The following TNKS variants were observed in gnomAD, a reference collection of about 807,000 sequenced individuals.
TNKS encodes tankyrase, also known as poly [ADP-ribose] polymerase tankyrase-1.
TNKS carries 72 observed loss-of-function variants against 135.8 expected under a neutral mutation model. That is an observed-to-expected ratio of 0.53 (90% CI 0.44 to 0.64). TNKS has a LOEUF of 0.64. Ranked by LOEUF, TNKS falls within the 30% of genes least tolerant of loss-of-function variation. The pLI, the probability that TNKS is intolerant of heterozygous loss-of-function variation, is 0.00. For missense variants in TNKS, 1,769 were observed against 1,674.0 expected (o/e 1.06, Z -0.99); for synonymous variants, 849 against 649.3 (o/e 1.31, Z -4.68).
chr8:9,746,915 C>T (rs899296516), intron 17 of TNKS, among the ~76,000 whole-genome samples: 1 of 118,662 alleles, frequency 8.4e-6, no homozygotes, highest in Admixed American at 1.0e-4. Flanking sequence ...CGGAGCCTTG[C>T]TCTGGTAACC....
At chr8:9,692,726 C>G (rs545904242) in intron 5 of TNKS, among the ~76,000 whole-genome samples, 15 of 152,140 alleles carry the variant, frequency 9.9e-5, no homozygotes, top group African/African-American at 3.6e-4. Flanking sequence ...TTTTTCCTTT[C>G]ATCTCACCTC....
At chr8:9,751,505 C>A in intron 18 of TNKS, 104 bp from the exon 19 acceptor site, 1 of 954,914 alleles carries the variant, frequency 1.0e-6, no homozygotes, top group Non-Finnish European at 1.6e-6. Flanking sequence ...GATAATGAGG[C>A]ATTCATTAAG....
chr8:9,731,460 CAAAAAAAAAAAAAA>C (rs36213271), intron 14 of TNKS, among the ~76,000 whole-genome samples: 1 of 67,508 alleles, frequency 1.5e-5, no homozygotes, highest in Non-Finnish European at 2.8e-5. Flanking sequence ...AATTCCATCT[CAAAAAAAAAAAAAA>C]AAAAAAAAAA....
At chr8:9,604,928 C>A (rs888136160) in intron 2 of TNKS, among the ~76,000 whole-genome samples, 4 of 151,892 alleles carry the variant, frequency 2.6e-5, no homozygotes, top group African/African-American at 9.7e-5. Flanking sequence ...TTTTCCAGTT[C>A]AGCAATTTTC....
At position 9,617,099 on chromosome 8, in the gene TNKS, A is replaced by G. The variant is rs186086779; in HGVS notation, c.994+1422A>G. 4.6e-5 allele frequency among the ~76,000 whole-genome samples: 7 copies of G among 152,364 alleles called. No homozygotes were observed. The East Asian group carries it at 1.2e-3, about 25-fold the overall frequency. On this transcript the variant is annotated intron_variant, in intron 3 of 26. Coordinates refer to ENST00000310430, the MANE Select transcript of TNKS (RefSeq NM_003747.3). ...CCATTTGTTAGATACATTTAATGCAACAACGCTTTTAGATCTACTTTCACT... is the reference window on the plus strand; with the variant it reads ...CCATTTGTTAGATACATTTAATGCAGCAACGCTTTTAGATCTACTTTCACT...
intron 26 of TNKS, among the ~76,000 whole-genome samples, chr8:9,774,914 TG>T (rs1024518995): frequency 1.8e-4 from 27 of 152,100 alleles, no homozygotes; most frequent in African/African-American, 5.8e-4. Context: ...GAAGTAGGGG[TG>T]GGCATCCACT....
At chr8:9,623,356 C>T (rs117949885) in intron 3 of TNKS, among the ~76,000 whole-genome samples, 1 of 151,800 alleles carries the variant, frequency 6.6e-6, no homozygotes, top group Non-Finnish European at 1.5e-5. Flanking sequence ...AACCTGTGTA[C>T]AGGCATACCT....
At chr8:9,593,105 G>C (rs1035952169) in intron 2 of TNKS, among the ~76,000 whole-genome samples, 3 of 152,198 alleles carry the variant, frequency 2.0e-5, no homozygotes, top group African/African-American at 7.2e-5. Flanking sequence ...TGGGAGCTGA[G>C]GAGTTGAGGT....
intron 13 of TNKS, among the ~76,000 whole-genome samples, chr8:9,728,227 T>C (rs1016853337): frequency 2.0e-5 from 3 of 152,234 alleles, no homozygotes; most frequent in East Asian, 3.9e-4. Flanking sequence ...GCAGCACAAA[T>C]TGAGTGAGAA....
At chr8:9,610,031 G>T (rs1284743804) in intron 2 of TNKS, among the ~76,000 whole-genome samples, 1 of 151,824 alleles carries the variant, frequency 6.6e-6, no homozygotes, top group African/African-American at 2.4e-5. Context: ...CTAATTTTTT[G>T]TATTTTTAAT....
intron 3 of TNKS, among the ~76,000 whole-genome samples, chr8:9,676,213 A>C (rs549454111): frequency 6.6e-6 from 1 of 151,832 alleles, no homozygotes; most frequent in Non-Finnish European, 1.5e-5. Context: ...GGGTTTCACC[A>C]TGTTGGCCAG....
chr8:9,670,947 T>TTTTTG (rs899095981), intron 3 of TNKS: 2 of 152,170 alleles, frequency 1.3e-5, no homozygotes, highest in African/African-American at 2.4e-5. Flanking sequence ...AAATGCTGGT[T>TTTTTG]TTTTGTTTTG....
Position 9,555,979 on chromosome 8 carries a change from C to T in TNKS, c.40C>T (p.His14Tyr), listed in dbSNP as rs751767248. ...SRRSQHHHHH[H>Y]QQQLQPAPGA... ...TCGCTCTCAGCATCATCACCACCATCATCAACAACAGCTCCAGCCCGCCCC... is the reference window on the plus strand; with the variant it reads ...TCGCTCTCAGCATCATCACCACCATTATCAACAACAGCTCCAGCCCGCCCC... Residue 14 changes from histidine to tyrosine, a missense_variant, in exon 1 of 27, where the codon CAT becomes TAT. His to Tyr is a moderately conservative substitution (Grantham distance 83). Around this residue, in one of 5 missense-constraint regions of TNKS, gnomAD observed 450 missense variants for 304.9 expected, o/e 1.48. Coordinates refer to ENST00000310430, the MANE Select transcript of TNKS (RefSeq NM_003747.3). The T allele has an allele frequency of 1.2e-6, 2 of 1,613,448 alleles. No homozygotes were observed. The highest frequency in any genetic ancestry group is 1.7e-6 in the Non-Finnish European group (2 of 1,179,882).
At chr8:9,592,917 C>A (rs1798640278) in intron 2 of TNKS, among the ~76,000 whole-genome samples, 1 of 152,108 alleles carries the variant, frequency 6.6e-6, no homozygotes, top group Admixed American at 6.6e-5. Flanking sequence ...TAGTCATATG[C>A]AAATTATGTT....
chr8:9,615,510 C>T lies in TNKS; in HGVS notation c.899-72C>T, dbSNP rs74744539. On this transcript the variant is annotated intron_variant, in intron 2 of 26. Coordinates refer to ENST00000310430, the MANE Select transcript of TNKS (RefSeq NM_003747.3). ...ATGTATGTTTATGCCTACACCATGC[C>T]GAGACGACACTTACCAGTAAATAAT... The T allele has an allele frequency of 4.7e-4, 608 of 1,282,448 alleles. 2 individuals carry two copies. In the African/African-American group the frequency reaches 6.7e-3, roughly 14 times the overall value. The allele number at this position is 1,282,448 out of a possible 1,614,324, so 79.4% of individuals were successfully genotyped here.
chr8:9,625,607 T>C (rs185555276), intron 3 of TNKS, among the ~76,000 whole-genome samples: 1 of 152,284 alleles, frequency 6.6e-6, no homozygotes, highest in African/African-American at 2.4e-5. Flanking sequence ...AGTTAAATTT[T>C]GTATGTTTTT....
rs1815262912 is a variant in TNKS, at chr8:9,555,956, G to A, written c.17G>A (p.Arg6His). The A allele has an allele frequency of 6.2e-7, 1 of 1,611,954 alleles. No homozygotes were observed. The highest frequency in any genetic ancestry group is 1.3e-5 in the African/African-American group (1 of 74,830). The change falls in exon 1 of 27, where the codon CGC becomes CAC. Residue 6 changes from arginine (R) to histidine (H), a missense_variant. Physicochemically the swap from Arg to His is conservative, Grantham distance 29. Around this residue, in one of 5 missense-constraint regions of TNKS, gnomAD observed 450 missense variants for 304.9 expected, o/e 1.48. Transcript: ENST00000310430. The stretch of plus-strand genomic sequence containing the variant: ...AGTCCGAAGATGGCGGCGTCGCGTC[G>A]CTCTCAGCATCATCACCACCATCAT... MAASR[R>H]SQHHHHHHQQ...
At chr8:9,719,597 C>A (rs1804770958) in intron 11 of TNKS, among the ~76,000 whole-genome samples, 2 of 152,124 alleles carry the variant, frequency 1.3e-5, no homozygotes, top group Non-Finnish European at 2.9e-5. Context: ...TACACTGGAT[C>A]TCAGGAGCCA....
At chr8:9,630,065 A>G (rs962472552) in intron 3 of TNKS, among the ~76,000 whole-genome samples, 3 of 152,116 alleles carry the variant, frequency 2.0e-5, no homozygotes, top group African/African-American at 4.8e-5. Flanking sequence ...ATGGGCTAGT[A>G]TCTAGTCCAG....
Sources: allele counts gnomAD v4.1 joint callset (sites outside exome capture counted in the v4.1 genomes callset), GRCh38; gene constraint gnomAD v4.1.1; regional missense constraint gnomAD v4.1.1; transcripts MANE v1.5; gene names NCBI Gene and HGNC (gene_info 2026-07-23, HGNC 2026-07-21).